The following MNAT1 variants were observed in gnomAD, a reference collection of about 807,000 sequenced individuals.
The protein encoded by MNAT1 is MNAT1 component of CDK activating kinase, also known as CDK-activating kinase assembly factor MAT1.
MNAT1 carries 43 observed loss-of-function variants against 42.0 expected under a neutral mutation model. That is an observed-to-expected ratio of 1.02 (90% confidence interval 0.80 to 1.32). MNAT1 has a LOEUF of 1.32. Ranked by LOEUF, MNAT1 falls within the 40% of genes most tolerant of loss-of-function variation. The probability of loss-of-function intolerance (pLI) is 0.00; values close to 1 mark genes in which losing one functional copy is unlikely to be tolerated. For synonymous variants in MNAT1, 118 were observed against 120.0 expected, an observed-to-expected ratio of 0.98 and a Z score of 0.11; for missense variants, 306 against 350.4, an observed-to-expected ratio of 0.87 and a Z score of 1.01.
intron 7 of MNAT1, among the ~76,000 whole-genome samples, 161 bp from the exon 8 acceptor site, chr14:60,968,068 T>G (rs2036714781): frequency 6.6e-6 from 1 of 152,260 alleles, no homozygotes; most frequent in Admixed American, 6.5e-5. Context: ...AGTTGGTATG[T>G]TTCCTTTTGA....
Position 60,933,263 on chromosome 14 carries a change from T to C in MNAT1, c.810-34966T>C, listed in dbSNP as rs565245878. ...TTCCTTTCTCTCCTTTTTTTCTTCT[T>C]CTAATTTGATCAATTAGGCATATCG... On this transcript the variant is annotated intron_variant, in intron 7 of 7. Coordinates refer to ENST00000261245, the MANE Select transcript of MNAT1 (RefSeq NM_002431.4). Among the ~76,000 whole-genome samples the C allele has an allele frequency of 8.5e-4, 130 of 152,238 alleles. 1 individual carries two copies. The highest frequency in any genetic ancestry group is 3.0e-3 in the African/African-American group (126 of 41,570).
At chr14:60,889,867 T>C (rs369118665) in intron 7 of MNAT1, among the ~76,000 whole-genome samples, 35 of 152,282 alleles carry the variant, frequency 2.3e-4, no homozygotes, top group East Asian at 5.8e-4. Context: ...CCATCACTGG[T>C]CATCAGAGAA....
chr14:60,773,250 A>G (rs1284926619), intron 1 of MNAT1, among the ~76,000 whole-genome samples: 1 of 151,980 alleles, frequency 6.6e-6, no homozygotes, highest in Non-Finnish European at 1.5e-5. Flanking sequence ...TTTTTATTTT[A>G]ATAAGTTGAA....
At chr14:60,835,598 G>T (rs1594788960) in intron 6 of MNAT1, among the ~76,000 whole-genome samples, 1 of 152,186 alleles carries the variant, frequency 6.6e-6, no homozygotes, top group African/African-American at 2.4e-5. Context: ...TAGGGTTTCT[G>T]CAGAGATCCA....
intron 3 of MNAT1, among the ~76,000 whole-genome samples, chr14:60,800,681 T>G (rs991073127): frequency 6.6e-6 from 1 of 152,242 alleles, no homozygotes; most frequent in Admixed American, 6.5e-5. Context: ...TATATATGTT[T>G]TAAGTTAAAG....
intron 6 of MNAT1, among the ~76,000 whole-genome samples, chr14:60,861,858 ATTTC>A (rs2034103287): frequency 6.6e-6 from 1 of 152,222 alleles, no homozygotes; most frequent in South Asian, 2.1e-4. Flanking sequence ...TATTAGAGAT[ATTTC>A]TTAGAACTCA....
chr14:60,849,931 C>A (rs1324938151), intron 6 of MNAT1, among the ~76,000 whole-genome samples: 1 of 151,940 alleles, frequency 6.6e-6, no homozygotes. Flanking sequence ...CCCCATCTCA[C>A]GTTCAAGTGG....
chr14:60,777,313 A>G (rs1213049327), intron 1 of MNAT1, among the ~76,000 whole-genome samples: 3 of 152,126 alleles, frequency 2.0e-5, no homozygotes, highest in African/African-American at 7.2e-5. Flanking sequence ...GGATGGGTGC[A>G]GTGGCTCATG....
chr14:60,921,980 T>G (rs1263045794), intron 7 of MNAT1, among the ~76,000 whole-genome samples: 2 of 152,182 alleles, frequency 1.3e-5, no homozygotes, highest in African/African-American at 4.8e-5. Flanking sequence ...CATAGTAAAT[T>G]TGTTTAATAA....
At chr14:60,893,271 C>G (rs2034883775) in intron 7 of MNAT1, among the ~76,000 whole-genome samples, 1 of 151,794 alleles carries the variant, frequency 6.6e-6, no homozygotes, top group Non-Finnish European at 1.5e-5. Context: ...ATTTTTATAT[C>G]TAGTATTTTC....
At chr14:60,809,610 G>A (rs192598806) in intron 4 of MNAT1, among the ~76,000 whole-genome samples, 3 of 152,182 alleles carry the variant, frequency 2.0e-5, no homozygotes, top group Admixed American at 2.0e-4. Flanking sequence ...TTTCCTGCAT[G>A]TATTGATATG....
At chr14:60,919,677 TC>T (rs2035611114) in intron 7 of MNAT1, 2 of 153,846 alleles carry the variant, frequency 1.3e-5, no homozygotes, top group Admixed American at 1.3e-4. Context: ...TAATTCTGTT[TC>T]ATGAATTCAA....
chr14:60,889,857 C>G (rs61263155), intron 7 of MNAT1, among the ~76,000 whole-genome samples: 2 of 152,028 alleles, frequency 1.3e-5, no homozygotes, highest in East Asian at 1.9e-4. Context: ...AAAATGCTCA[C>G]CATCACTGGT....
At chr14:60,782,688 G>A (rs1432338309) in intron 1 of MNAT1, among the ~76,000 whole-genome samples, 1 of 152,166 alleles carries the variant, frequency 6.6e-6, no homozygotes, top group Non-Finnish European at 1.5e-5. Context: ...AGCTCTGAAA[G>A]CTAGGTTTTT....
chr14:60,764,352 A>G (rs528800975), intron 1 of MNAT1, among the ~76,000 whole-genome samples: 1 of 152,270 alleles, frequency 6.6e-6, no homozygotes, highest in Non-Finnish European at 1.5e-5. Context: ...TCTTCAGTAC[A>G]TTCTTTCTTT....
At chr14:60,913,249 T>G (rs1301475594) in intron 7 of MNAT1, among the ~76,000 whole-genome samples, 1 of 152,166 alleles carries the variant, frequency 6.6e-6, no homozygotes, top group Non-Finnish European at 1.5e-5. Context: ...TCAAAGTTTT[T>G]AACTTCTTTG....
intron 6 of MNAT1, among the ~76,000 whole-genome samples, chr14:60,839,295 A>G (rs569623450): frequency 6.6e-6 from 1 of 152,032 alleles, no homozygotes; most frequent in South Asian, 2.1e-4. Context: ...ACCCAGCCAG[A>G]CTCACACAGA....
intron 6 of MNAT1, among the ~76,000 whole-genome samples, chr14:60,838,156 G>A (rs1415129273): frequency 6.6e-6 from 1 of 150,616 alleles, no homozygotes; most frequent in Non-Finnish European, 1.5e-5. Flanking sequence ...TTTTTTTTAG[G>A]CAGTATCTCA....
rs146910160 is a variant in MNAT1 at position 60,879,440 on chromosome 14, C to G, written c.688-274C>G. 3.0e-4 allele frequency among the ~76,000 whole-genome samples: 46 copies of G among 152,186 alleles called. 2 individuals carry two copies. The East Asian group carries it at 8.3e-3, about 27-fold the overall frequency. On this transcript the variant is annotated intron_variant, in intron 6 of 7. Transcript: ENST00000261245. ...TTTTGAAGTCTCTTGTATTTGATGACTTCTACCATGGACATTGAACAACTA... is the reference window on the plus strand; with the variant it reads ...TTTTGAAGTCTCTTGTATTTGATGAGTTCTACCATGGACATTGAACAACTA...
Sources: allele counts gnomAD v4.1 joint callset (sites outside exome capture counted in the v4.1 genomes callset), GRCh38; gene constraint gnomAD v4.1.1; transcripts MANE v1.5; gene names NCBI Gene and HGNC (gene_info 2026-07-23, HGNC 2026-07-21).